SLC6A12: variants seen among roughly 807,000 people sequenced by gnomAD.
SLC6A12 encodes the protein solute carrier family 6 member 12.
A neutral mutation model predicts 73.3 loss-of-function variants in SLC6A12; 50 were observed. The ratio of observed to expected loss-of-function variants is 0.68; its 90% CI spans 0.54 to 0.86. SLC6A12 has a LOEUF of 0.86. SLC6A12 is among the 40% of genes least tolerant of loss of function. The pLI is 0.00. For missense variants in SLC6A12, 648 were observed against 772.8 expected (o/e 0.84, Z 1.92); for synonymous variants, 304 against 309.2 (o/e 0.98, Z 0.18).
chr12:194,819 A>G (rs971975077), intron 13 of SLC6A12, among the ~76,000 whole-genome samples: 1 of 152,196 alleles, frequency 6.6e-6, no homozygotes, highest in African/African-American at 2.4e-5. Context: ...CCATGGAAGT[A>G]CTCAGAGTCT....
intron 7 of SLC6A12, 146 bp downstream of exon 7, chr12:200,505 C>G (rs972239056): frequency 1.1e-5 from 9 of 802,766 alleles, no homozygotes; most frequent in African/African-American, 1.7e-5. Flanking sequence ...TGTGGCTCCC[C>G]CTGTTCTCAC....
chr12:185,790 C>A (rs145151102), downstream of SLC6A12, among the ~76,000 whole-genome samples: 2 of 152,302 alleles, frequency 1.3e-5, no homozygotes, highest in East Asian at 3.9e-4. Flanking sequence ...GAGTGCGGGT[C>A]GCCAGGGCCC....
chr12:187,311 G>A (rs575607346), downstream of SLC6A12, among the ~76,000 whole-genome samples: 14 of 152,208 alleles, frequency 9.2e-5, no homozygotes, highest in Admixed American at 3.9e-4. Context: ...TAAAGGCGGC[G>A]TGTCCGGAGT....
intron 3 of SLC6A12, among the ~76,000 whole-genome samples, chr12:208,510 T>C (rs1940761241): frequency 6.6e-6 from 1 of 152,190 alleles, no homozygotes. Flanking sequence ...CTGAAATGTT[T>C]CTAATATTTG....
In SLC6A12 at chr12:202,737, T is replaced by C. The variant is rs745593638; in HGVS notation, c.490+3A>G. On this transcript the variant is annotated splice_donor_region_variant and intron_variant, in intron 5 of 15. Transcript: ENST00000684302. Reference sequence around the variant, plus strand: ...ACATCCCAGGGGCTGAAATGATGGATACCTGTGTTCCAAAAGTTGTTGCAG... The same window carrying C: ...ACATCCCAGGGGCTGAAATGATGGACACCTGTGTTCCAAAAGTTGTTGCAG... 8 of 1,612,972 alleles carry C rather than the reference T, an allele frequency of 5.0e-6. No homozygotes were observed. In the East Asian group the frequency reaches 1.1e-4, roughly 22 times the overall value.
At chr12:185,088 C>T (rs957270915), downstream of SLC6A12, among the ~76,000 whole-genome samples, 38 of 152,204 alleles carry the variant, frequency 2.5e-4, no homozygotes, top group Non-Finnish European at 3.4e-4. Flanking sequence ...ATAAAACTGT[C>T]ATTATTTCCA....
At chr12:185,154 TTTAA>T (rs896105518), downstream of SLC6A12, among the ~76,000 whole-genome samples, 69 of 152,296 alleles carry the variant, frequency 4.5e-4, no homozygotes, top group Admixed American at 2.0e-3. Flanking sequence ...AAACAACAAC[TTTAA>T]TTAACCCAGA....
intron 2 of SLC6A12, 131 bp from the exon 3 acceptor site, chr12:210,174 C>T: frequency 8.0e-7 from 1 of 1,249,416 alleles, no homozygotes; most frequent in Non-Finnish European, 1.1e-6. Flanking sequence ...ACCTAAAGTT[C>T]CAGTTCGTTC....
At chr12:203,826 C>T (rs927009441) in intron 4 of SLC6A12, 1 of 151,518 alleles carries the variant, frequency 6.6e-6, no homozygotes, top group African/African-American at 2.4e-5. Context: ...GGGCGCGCCT[C>T]GAGCCAGTAC....
In SLC6A12 at chr12:190,974, G is replaced by C. The variant is rs1042580083; in HGVS notation, c.*94C>G. On this transcript the variant is annotated 3_prime_UTR_variant, in exon 16 of 16. Transcript: ENST00000684302. ...CTCCAGAGGTTCCCAGCAGGATTGT[G>C]GCAGGAGACAGAGGCAGAGGCTGTC... is the stretch of plus-strand genomic sequence containing the variant. The C allele has an allele frequency of 1.1e-5, 12 of 1,092,678 alleles. No homozygotes were observed. The Admixed American group carries it at 4.2e-4, about 38-fold the overall frequency. 67.7% of individuals were successfully genotyped at this position (1,092,678 alleles called of 1,614,324 possible). A position where few individuals can be genotyped will look rare whatever the true frequency, so the allele number is the denominator to read the frequency against.
chr12:205,858 T>C (rs914798092), intron 3 of SLC6A12, among the ~76,000 whole-genome samples: 4 of 152,260 alleles, frequency 2.6e-5, no homozygotes, highest in African/African-American at 9.6e-5. Flanking sequence ...ATCATTTTGA[T>C]TGCTGCATAG....
chr12:191,034 C>T lies in SLC6A12; in HGVS notation c.*34G>A. 1.5e-6 allele frequency: 2 copies of T among 1,291,774 alleles called. No homozygotes were observed. The highest frequency in any genetic ancestry group is 2.0e-6 in the Non-Finnish European group (2 of 1,010,276). The allele number at this position is 1,291,774 out of a possible 1,614,324, so 80.0% of individuals were successfully genotyped here. On this transcript the variant is annotated 3_prime_UTR_variant, in exon 16 of 16. Coordinates refer to ENST00000684302, the MANE Select transcript of SLC6A12 (RefSeq NM_001122848.3). ...TGGAGGGTGGCCCTGACCTAGGTTC[C>T]CGGCTTAGGAGCCGCCTGGCCTCTG... is the stretch of plus-strand genomic sequence containing the variant.
downstream of SLC6A12, among the ~76,000 whole-genome samples, chr12:186,551 A>G (rs1939433496): frequency 1.3e-5 from 2 of 152,214 alleles, no homozygotes; most frequent in Admixed American, 6.5e-5. Flanking sequence ...GGCTGCTGCC[A>G]CTAGAAGCCT....
downstream of SLC6A12, among the ~76,000 whole-genome samples, chr12:185,855 AC>A (rs1939421049): frequency 6.6e-6 from 1 of 151,834 alleles, no homozygotes; most frequent in Non-Finnish European, 1.5e-5. Context: ...CTCTCATCTC[AC>A]CCCATCCTGT....
At chr12:186,289 G>A (rs947392454), downstream of SLC6A12, among the ~76,000 whole-genome samples, 1 of 152,178 alleles carries the variant, frequency 6.6e-6, no homozygotes, top group African/African-American at 2.4e-5. Context: ...ACCCAACAGA[G>A]AGCCCACATG....
chr12:212,748 TCTC>T (rs1267939341), intron 1 of SLC6A12, among the ~76,000 whole-genome samples: 1 of 152,040 alleles, frequency 6.6e-6, no homozygotes, highest in Non-Finnish European at 1.5e-5. Flanking sequence ...TGTACTGAGT[TCTC>T]CTTTCTGGGC....
At chr12:197,311 G>A (rs1461172059) in intron 10 of SLC6A12, 66 bp downstream of exon 10, 7 of 1,525,782 alleles carry the variant, frequency 4.6e-6, no homozygotes, top group Non-Finnish European at 6.2e-6. Flanking sequence ...ATGCCTTTCA[G>A]CAAGAGAGAA....
In SLC6A12 at chr12:191,183, G is replaced by T; in HGVS notation, c.1730C>A (p.Ser577Tyr). The change falls in exon 16 of 16, where the codon TCC (serine) becomes TAC (tyrosine). Residue 577 changes from serine (S) to tyrosine (Y), a missense_variant. Ser to Tyr is a moderately radical substitution (Grantham distance 144). Transcript: ENST00000684302. ...ATGTTGCTTGGGCTGTGGCAGACTGGAGTCAGGGGTGATGAGCTGACGCAG... is the reference window on the plus strand; with the variant it reads ...ATGTTGCTTGGGCTGTGGCAGACTGTAGTCAGGGGTGATGAGCTGACGCAG... ...KRLRQLITPD[S>Y]SLPQPKQHPC... The T allele has an allele frequency of 7.7e-7, 1 of 1,290,396 alleles. No individual in the cohort carries two copies. The allele number at this position is 1,290,396 out of a possible 1,614,324, so 79.9% of individuals were successfully genotyped here.
intron 5 of SLC6A12, 54 bp downstream of exon 5, chr12:202,686 C>T (rs1038414583): frequency 4.0e-5 from 62 of 1,566,538 alleles, no homozygotes; most frequent in Non-Finnish European, 5.1e-5. Context: ...ATTCACCAGC[C>T]ACCGCAGCCC....
Sources: gnomAD v4.1 joint callset for allele counts (sites outside exome capture counted in the v4.1 genomes callset) on GRCh38, gnomAD v4.1.1 for gene constraint, MANE v1.5 for transcripts, NCBI Gene and HGNC (gene_info 2026-07-23, HGNC 2026-07-21) for gene names.